Variants in PROZ observed in about 807,000 individuals in gnomAD.
PROZ encodes the protein protein Z, vitamin K dependent plasma glycoprotein, also known as vitamin K-dependent protein Z.
PROZ carries 46 observed loss-of-function variants against 34.9 expected under a neutral mutation model. That is an observed-to-expected ratio of 1.32 (90% confidence interval 1.04 to 1.69). PROZ has a LOEUF of 1.69. PROZ is among the 40% of genes most tolerant of loss of function. The pLI, the probability that PROZ is intolerant of heterozygous loss-of-function variation, is 0.00. For synonymous variants in PROZ, 195 were observed against 208.5 expected (o/e 0.94, Z 0.56); for missense variants, 530 against 520.4 (o/e 1.02, Z -0.18).
intron 4 of PROZ, among the ~76,000 whole-genome samples, chr13:113,163,893 C>T (rs972939286): frequency 4.0e-5 from 6 of 151,604 alleles, no homozygotes; most frequent in Non-Finnish European, 5.9e-5. Flanking sequence ...CAATGCAAGC[C>T]GGCAGACAAA....
intron 4 of PROZ, 56 bp downstream of exon 4, chr13:113,163,178 C>T: frequency 7.2e-7 from 1 of 1,394,578 alleles, no homozygotes; most frequent in Non-Finnish European, 9.9e-7. Flanking sequence ...GTGGGCCTCA[C>T]ATCCTCGGCC....
chr13:113,171,303 C>T lies in PROZ; in HGVS notation c.692-291C>T, dbSNP rs988738970. Among the ~76,000 whole-genome samples, 12 of 152,218 alleles carry T rather than the reference C, an allele frequency of 7.9e-5. No individual in the cohort carries two copies. The highest frequency in any genetic ancestry group is 4.4e-5 in the Non-Finnish European group (3 of 68,042). On this transcript the variant is annotated intron_variant, in intron 7 of 7. Coordinates refer to ENST00000375547, the MANE Select transcript of PROZ (RefSeq NM_003891.3). This position sits in a 1 kb window ranked among gnomAD's most constrained non-coding sequence, Gnocchi z 5.1. Reference sequence around the variant, plus strand: ...GTTTGACTGGCCTGGAGACGTTCCACATCACTGCTTCCTGCTTTTTAATCA... The same window carrying T: ...GTTTGACTGGCCTGGAGACGTTCCATATCACTGCTTCCTGCTTTTTAATCA...
rs202151112 is a variant in PROZ at position 113,165,123 on chromosome 13, A to G, written c.573+3A>G. The G allele has an allele frequency of 1.1e-4, 183 of 1,610,482 alleles. 1 individual carries two copies. The highest frequency in any genetic ancestry group is 2.0e-5 in the Non-Finnish European group (24 of 1,179,578). ...ATCTACAGGACCTCCCGTGGCAGGT[A>G]ACAGAGCGCTCTCCGCGTGCTTCAA... On this transcript the variant is annotated splice_donor_region_variant and intron_variant, in intron 6 of 7. Coordinates refer to ENST00000375547, the MANE Select transcript of PROZ (RefSeq NM_003891.3).
At chr13:113,160,328 C>A in intron 2 of PROZ, 151 bp downstream of exon 2, 1 of 1,071,882 alleles carries the variant, frequency 9.3e-7, no homozygotes, top group Non-Finnish European at 1.4e-6. Context: ...GATGAGGAAA[C>A]AATTTAGAGA....
intron 6 of PROZ, among the ~76,000 whole-genome samples, chr13:113,168,595 C>G (rs1478315861): frequency 6.6e-6 from 1 of 152,206 alleles, no homozygotes; most frequent in African/African-American, 2.4e-5. Context: ...TTTTAACTTT[C>G]TAAGATTTCC....
intron 6 of PROZ, chr13:113,166,554 C>T (rs905869615): frequency 6.6e-6 from 1 of 152,198 alleles, no homozygotes; most frequent in African/African-American, 2.4e-5. Context: ...GGATGGAGCT[C>T]AAGGACTTGA....
chr13:113,163,094 C>G lies in PROZ; in HGVS notation c.345C>G (p.Pro115=), dbSNP rs186968607. The change falls in exon 4 of 8, where the codon CCC becomes CCG. Residue 115 remains proline (P), a synonymous_variant. Transcript: ENST00000375547. ...GGGGCTACACCTGCACCTGCTCCCC[C>G]GGCTATGAGGGCAGCAACTGCGAGC... The part of the protein sequence containing the change: ...SIWGYTCTCS[P]GYEGSNCELA... 5 of 1,556,524 alleles carry G rather than the reference C, an allele frequency of 3.2e-6. No individual in the cohort carries two copies. The African/African-American group carries it at 4.1e-5, about 13-fold the overall frequency.
At chr13:113,169,413 C>G (rs2037042702) in intron 6 of PROZ, among the ~76,000 whole-genome samples, 1 of 152,164 alleles carries the variant, frequency 6.6e-6, no homozygotes, top group African/African-American at 2.4e-5. Context: ...TCAGTGCTGA[C>G]TCAGTTTTGG....
At chr13:113,163,518 G>A (rs746158970) in intron 4 of PROZ, among the ~76,000 whole-genome samples, 6 of 152,212 alleles carry the variant, frequency 3.9e-5, no homozygotes, top group South Asian at 2.1e-4. Context: ...TTAAATACCC[G>A]CCAAATGTCA....
Position 113,159,383 on chromosome 13 carries a change from C to G in PROZ, c.71-631C>G. The G allele has an allele frequency of 1.9e-6, 2 of 1,058,232 alleles. No homozygotes were observed. Among genetic ancestry groups the G allele is most frequent in the South Asian group, 1.5e-5 (1 of 68,776 alleles). The allele number at this position is 1,058,232 out of a possible 1,614,324, so 65.6% of individuals were successfully genotyped here. ...CTGCCCAGCACTTACCGTAGCCGGA[C>G]TTAGCTGAGCCCCCCCTGCTGTAAC... On this transcript the variant is annotated intron_variant, in intron 1 of 7. Coordinates refer to ENST00000375547, the MANE Select transcript of PROZ (RefSeq NM_003891.3). The surrounding 1 kb of genome is among the most constrained non-coding windows in gnomAD (Gnocchi z 4.6).
intron 6 of PROZ, among the ~76,000 whole-genome samples, chr13:113,166,935 A>T (rs2036954374): frequency 6.6e-6 from 1 of 152,214 alleles, no homozygotes; most frequent in South Asian, 2.1e-4. Context: ...ATAACCAGGG[A>T]GGAGGCATTC....
At chr13:113,163,979 T>TTA (rs398024463) in intron 4 of PROZ, among the ~76,000 whole-genome samples, 12 of 147,556 alleles carry the variant, frequency 8.1e-5, no homozygotes, top group African/African-American at 2.5e-4. Flanking sequence ...TTTTTTTTTT[T>TTA]AATTTTTATT....
In PROZ at chr13:113,164,547, G is replaced by A. The variant is rs532065514; in HGVS notation, c.408G>A (p.Gly136=). The change falls in exon 5 of 8, where the codon GGG becomes GGA. Residue 136 remains glycine (G), a synonymous_variant. Coordinates refer to ENST00000375547, the MANE Select transcript of PROZ (RefSeq NM_003891.3). ...KNECHPERTD[G]CQHFCLPGQE... is the part of the protein sequence containing the mutation. ...AATGTCACCCAGAGCGGACTGATGGGTGTCAACACTTCTGCCTCCCAGGAC... is the reference window on the plus strand; with the variant it reads ...AATGTCACCCAGAGCGGACTGATGGATGTCAACACTTCTGCCTCCCAGGAC... 2 of 1,613,714 alleles carry A rather than the reference G, an allele frequency of 1.2e-6. No homozygotes were observed. The highest frequency in any genetic ancestry group is 1.1e-5 in the South Asian group (1 of 91,076).
chr13:113,165,331 C>T, intron 6 of PROZ: 1 of 643,844 alleles, frequency 1.6e-6, no homozygotes, highest in South Asian at 1.7e-5. Context: ...ATTTACAGCC[C>T]CCAAGACCTT....
In PROZ at chr13:113,164,537, G is replaced by A. The variant is rs763340899; in HGVS notation, c.398G>A (p.Arg133Gln). 46 of 1,613,136 alleles carry A rather than the reference G, an allele frequency of 2.9e-5. No homozygotes were observed. The highest frequency in any genetic ancestry group is 6.7e-5 in the East Asian group (3 of 44,856). The change falls in exon 5 of 8, where the codon CGG becomes CAG. Residue 133 changes from arginine to glutamine, a missense_variant. Coordinates refer to ENST00000375547, the MANE Select transcript of PROZ (RefSeq NM_003891.3). ...ELAKNECHPE[R>Q]TDGCQHFCLP... ...GCTAAAAATGAATGTCACCCAGAGC[G>A]GACTGATGGGTGTCAACACTTCTGC... is the stretch of plus-strand genomic sequence containing the variant.
At chr13:113,167,336 A>C (rs560816659) in intron 6 of PROZ, among the ~76,000 whole-genome samples, 18 of 152,244 alleles carry the variant, frequency 1.2e-4, no homozygotes, top group Non-Finnish European at 2.2e-4. Flanking sequence ...TATTATTCAT[A>C]AACACATGAA....
Position 113,158,703 on chromosome 13 carries a change from C to A in PROZ, c.43C>A (p.Leu15Ile). ...ACTGCTCCAGGGCCTGGTCCTGGTC[C>A]TCGCCCTCCATCGTGTGGAGCCCTC... is the stretch of plus-strand genomic sequence containing the variant. ...VPLLQGLVLV[L>I]ALHRVEPSVF... Residue 15 changes from leucine (L) to isoleucine (I), a missense_variant, in exon 1 of 8, where the codon CTC becomes ATC. By Grantham distance (5) the Leu-to-Ile change is conservative. Transcript: ENST00000375547. The surrounding 1 kb of genome is among the most constrained non-coding windows in gnomAD (Gnocchi z 4.3). 7.5e-6 allele frequency: 12 copies of A among 1,606,764 alleles called. No individual in the cohort carries two copies. The highest frequency in any genetic ancestry group is 1.0e-5 in the Non-Finnish European group (12 of 1,177,146).
intron 6 of PROZ, among the ~76,000 whole-genome samples, chr13:113,169,788 T>A (rs141938484): frequency 6.6e-6 from 1 of 152,356 alleles, no homozygotes; most frequent in East Asian, 1.9e-4. Flanking sequence ...CTCACACTCT[T>A]GGGTGGTTCT....
chr13:113,171,576 G>A lies in PROZ; in HGVS notation c.692-18G>A, dbSNP rs112725898. 55 of 1,613,910 alleles carry A rather than the reference G, an allele frequency of 3.4e-5. No individual in the cohort carries two copies. Among genetic ancestry groups the A allele is most frequent in the Middle Eastern group, 3.3e-4 (2 of 6,062 alleles). On this transcript the variant is annotated intron_variant, in intron 7 of 7. Coordinates refer to ENST00000375547, the MANE Select transcript of PROZ (RefSeq NM_003891.3). The surrounding 1 kb of genome is among the most constrained non-coding windows in gnomAD (Gnocchi z 5.1). ...GAAAATCAGACTGTAAAGAACTGACGATTGTTCATGATTTCAGATTTTAAC... is the reference window on the plus strand; with the variant it reads ...GAAAATCAGACTGTAAAGAACTGACAATTGTTCATGATTTCAGATTTTAAC...
Sources: gnomAD v4.1 joint callset for allele counts (sites outside exome capture counted in the v4.1 genomes callset) on GRCh38, gnomAD v4.1.1 for gene constraint, Gnocchi (gnomAD v3.1) non-coding constraint, MANE v1.5 for transcripts, NCBI Gene and HGNC (gene_info 2026-07-23, HGNC 2026-07-21) for gene names.